Variants in PLEKHG1 observed in about 807,000 individuals in gnomAD.
PLEKHG1 encodes pleckstrin homology domain-containing family G member 1.
Under a neutral mutation model 100.8 loss-of-function variants are expected in PLEKHG1, and 44 were observed. That is an observed-to-expected ratio of 0.44 (90% confidence interval 0.34 to 0.56). The LOEUF is 0.56. Among genes scored for constraint, PLEKHG1 ranks in the 20% least tolerant of loss-of-function variants. The probability of loss-of-function intolerance (pLI) is 0.01; values close to 1 mark genes in which losing one functional copy is unlikely to be tolerated. For synonymous variants in PLEKHG1, 640 were observed against 662.5 expected (o/e 0.97, Z 0.52); for missense variants, 1,545 against 1,720.9 (o/e 0.90, Z 1.81).
intron 3 of PLEKHG1, among the ~76,000 whole-genome samples, chr6:150,781,505 C>CA (rs1254109697): frequency 4.4e-4 from 59 of 133,114 alleles, no homozygotes; most frequent in South Asian, 2.2e-3. Flanking sequence ...ATTCCATCTC[C>CA]AAAAAAAAAA....
intron 2 of PLEKHG1, among the ~76,000 whole-genome samples, chr6:150,759,464 T>A (rs1784037800): frequency 6.6e-6 from 1 of 152,170 alleles, no homozygotes; most frequent in Admixed American, 6.5e-5. Context: ...TATACTGTGT[T>A]AAGGTATAAA....
At chr6:150,680,750 G>A (rs1001045856) in intron 3 of PLEKHG1, among the ~76,000 whole-genome samples, 6 of 152,194 alleles carry the variant, frequency 3.9e-5, no homozygotes, top group African/African-American at 1.4e-4. Flanking sequence ...TTTTGGTTGG[G>A]GATGTGTGCG....
chr6:150,833,937 A>G (rs1381600270), intron 15 of PLEKHG1, among the ~76,000 whole-genome samples: 1 of 152,222 alleles, frequency 6.6e-6, no homozygotes, highest in Non-Finnish European at 1.5e-5. Flanking sequence ...ACATCCATGG[A>G]AACTGAAGAA....
intron 2 of PLEKHG1, among the ~76,000 whole-genome samples, chr6:150,760,584 T>C (rs1030704534): frequency 5.3e-5 from 8 of 152,104 alleles, no homozygotes; most frequent in Non-Finnish European, 1.0e-4. Context: ...CTTCGAAGAC[T>C]TTGTATTTAC....
At chr6:150,836,402 TAAAG>T (rs555205550) in intron 15 of PLEKHG1, among the ~76,000 whole-genome samples, 126 of 151,250 alleles carry the variant, frequency 8.3e-4, no homozygotes, top group African/African-American at 2.9e-3. Flanking sequence ...ATAAGTAAAA[TAAAG>T]AAGGGAGTGA....
At chr6:150,650,038 A>T (rs1003970280) in intron 2 of PLEKHG1, among the ~76,000 whole-genome samples, 8 of 142,758 alleles carry the variant, frequency 5.6e-5, no homozygotes, top group African/African-American at 2.1e-4. Flanking sequence ...AAAAATAAAG[A>T]CGAGAGCAAA....
intron 1 of PLEKHG1, among the ~76,000 whole-genome samples, chr6:150,727,811 C>T (rs1782038095): frequency 1.3e-5 from 2 of 152,112 alleles, no homozygotes; most frequent in South Asian, 4.1e-4. Flanking sequence ...ATAAGCCATT[C>T]GCAAGGTTTG....
chr6:150,831,882 A>T lies in PLEKHG1; in HGVS notation c.2771A>T (p.Lys924Ile). ...CCCTTTGAGGAAGACCTGATTTCTA[A>T]AGAAGGCTCCTTTATGAGCCTTAAC... The change falls in exon 15 of 16, where the codon AAA (lysine) becomes ATA (isoleucine). Residue 924 changes from lysine to isoleucine, a missense_variant. Lys to Ile is a moderately radical substitution (Grantham distance 102). Coordinates refer to ENST00000358517, the Ensembl canonical transcript of PLEKHG1. This position sits in a 1 kb window ranked among gnomAD's most constrained non-coding sequence, Gnocchi z 4.1. 1.2e-6 allele frequency: 2 copies of T among 1,614,012 alleles called. No homozygotes were observed. The highest frequency in any genetic ancestry group is 1.7e-6 in the Non-Finnish European group (2 of 1,179,900).
chr6:150,825,779 G>A (rs1441643432), intron 14 of PLEKHG1, among the ~76,000 whole-genome samples: 1 of 152,148 alleles, frequency 6.6e-6, no homozygotes, highest in Non-Finnish European at 1.5e-5. Context: ...ACCTTACCAG[G>A]ACTTAGTTTC....
chr6:150,602,918 A>G (rs1017320219), intron 1 of PLEKHG1, among the ~76,000 whole-genome samples: 4 of 151,918 alleles, frequency 2.6e-5, no homozygotes, highest in Non-Finnish European at 5.9e-5. Flanking sequence ...CGTCTCTACT[A>G]AAAATACAAA....
chr6:150,654,612 CCT>C (rs1778889145), intron 3 of PLEKHG1, among the ~76,000 whole-genome samples: 1 of 152,192 alleles, frequency 6.6e-6, no homozygotes, highest in African/African-American at 2.4e-5. Flanking sequence ...CTGCTTTTTA[CCT>C]CTAAGACTTA....
rs181723070 is a variant in PLEKHG1 at position 150,656,761 on chromosome 6, G to C, written c.-99+5975G>C. The stretch of plus-strand genomic sequence containing the variant: ...CAACTATGGCGAAGAGAAGTGGCCA[G>C]CACAAACACAGAAATGGGTTACAGG... On this transcript the variant is annotated intron_variant, in intron 3 of 3. Coordinates refer to the PLEKHG1 transcript ENST00000367326. Among the ~76,000 whole-genome samples, 574 of 152,304 alleles carry C rather than the reference G, an allele frequency of 3.8e-3. 6 individuals are homozygous for C. Among genetic ancestry groups the C allele is most frequent in the Non-Finnish European group, 4.9e-3 (333 of 68,028 alleles).
chr6:150,707,005 T>C (rs1349495862), intron 3 of PLEKHG1, among the ~76,000 whole-genome samples: 15 of 132,020 alleles, frequency 1.1e-4, no homozygotes, highest in African/African-American at 3.0e-4. Context: ...TTTCTTTTTT[T>C]TTTTTTTTTT....
chr6:150,839,824 G>T lies in PLEKHG1; in HGVS notation c.3095-9G>T. On this transcript the variant is annotated splice_polypyrimidine_tract_variant and intron_variant, in intron 15 of 15. Transcript: ENST00000358517. The stretch of plus-strand genomic sequence containing the variant: ...GTGTGTATTTACTGTTTCAATATTT[G>T]CCTTCCAGGTGCCAGGATTGCTGAG... 1 of 1,518,664 alleles carries T rather than the reference G, an allele frequency of 6.6e-7. No homozygotes were observed. Among genetic ancestry groups the T allele is most frequent in the Non-Finnish European group, 9.1e-7 (1 of 1,095,878 alleles). 94.1% of individuals were successfully genotyped at this position (1,518,664 alleles called of 1,614,324 possible).
At chr6:150,712,153 C>T (rs973128727) in intron 3 of PLEKHG1, among the ~76,000 whole-genome samples, 3 of 152,122 alleles carry the variant, frequency 2.0e-5, no homozygotes, top group East Asian at 1.9e-4. Context: ...CCTGAGGGAT[C>T]GGGGACAACA....
chr6:150,783,956 A>T (rs966911873), intron 3 of PLEKHG1, among the ~76,000 whole-genome samples: 3 of 152,216 alleles, frequency 2.0e-5, no homozygotes, highest in African/African-American at 7.2e-5. Flanking sequence ...ACTAGAAGAC[A>T]GCTGAATTCT....
chr6:150,599,999 C>A, exon 1 of PLEKHG1: 2 of 238,674 alleles, frequency 8.4e-6, no homozygotes, highest in South Asian at 3.7e-5. Flanking sequence ...CCCGGGCATG[C>A]GAAGCCGTCC....
chr6:150,748,083 T>G (rs1783264207), intron 2 of PLEKHG1, among the ~76,000 whole-genome samples: 1 of 152,202 alleles, frequency 6.6e-6, no homozygotes, highest in Non-Finnish European at 1.5e-5. Context: ...CTTTCTACTT[T>G]CTGTCACTAG....
At chr6:150,783,335 G>A (rs1159405909) in intron 3 of PLEKHG1, among the ~76,000 whole-genome samples, 5 of 151,644 alleles carry the variant, frequency 3.3e-5, no homozygotes, top group African/African-American at 1.2e-4. Flanking sequence ...TGCAAGGGAG[G>A]AAATATCAAA....
Sources: gnomAD v4.1 joint callset for allele counts (sites outside exome capture counted in the v4.1 genomes callset) on GRCh38, gnomAD v4.1.1 for gene constraint, Gnocchi (gnomAD v3.1) non-coding constraint, MANE v1.5 for transcripts, NCBI Gene and HGNC (gene_info 2026-07-23, HGNC 2026-07-21) for gene names.